Variants in MBP observed in about 807,000 individuals in gnomAD.
MBP encodes the protein Golli-MBP.
MBP carries 16 observed loss-of-function variants against 35.8 expected under a neutral mutation model. The ratio of observed to expected loss-of-function variants is 0.45; its 90% CI spans 0.30 to 0.68. The LOEUF (loss-of-function observed/expected upper bound fraction) is 0.68, where lower values mean the gene tolerates loss of function less well. MBP is among the 30% of genes least tolerant of loss of function. MBP has a pLI of 0.08. For missense variants in MBP, 380 were observed against 404.7 expected (o/e 0.94, Z 0.52); for synonymous variants, 143 against 159.6 (o/e 0.90, Z 0.78).
In MBP at chr18:77,098,168, C is replaced by CTTTTTTTTTTTTTTTTTTTTTT. The variant is rs3214873; in HGVS notation, c.51+7042_51+7043insAAAAAAAAAAAAAAAAAAAAAA. Reference sequence around the variant, plus strand: ...TTCTGAGGACAGACACAAGGACTTCCTTTTTTTTTTTTTTTTTTTTTACAA... The same window carrying CTTTTTTTTTTTTTTTTTTTTTT: ...TTCTGAGGACAGACACAAGGACTTCCTTTTTTTTTTTTTTTTTTTTTTTTTTTTTTTTTTTTTTTTTTTACAA... On this transcript the variant is annotated intron_variant, in intron 2 of 8. Transcript: ENST00000355994. Among the ~76,000 whole-genome samples, 11 of 108,526 alleles carry CTTTTTTTTTTTTTTTTTTTTTT rather than the reference C, an allele frequency of 1.0e-4. 1 individual carries two copies. The highest frequency in any genetic ancestry group is 6.4e-4 in the East Asian group (2 of 3,120). 71.2% of individuals were successfully genotyped at this position (108,526 alleles called of 152,430 possible). A position where few individuals can be genotyped will look rare whatever the true frequency, so the allele number is the denominator to read the frequency against.
intron 7 of MBP, chr18:76,985,811 C>T: frequency 1.0e-6 from 1 of 988,874 alleles, no homozygotes; most frequent in African/African-American, 1.7e-5. Flanking sequence ...GGAGATGCCA[C>T]TCCTCAGGTG....
intron 3 of MBP, among the ~76,000 whole-genome samples, chr18:77,051,919 C>T (rs13381497): frequency 0.05 from 7,663 of 152,158 alleles, 623 homozygotes; most frequent in African/African-American, 0.17. Flanking sequence ...TTTGTAGAAG[C>T]GAGGCCCAGC....
chr18:76,989,745 C>T lies in MBP; in HGVS notation c.681+211G>A, dbSNP rs1599477377. On this transcript the variant is annotated intron_variant, in intron 5 of 8. Coordinates refer to ENST00000355994, the MANE Select transcript of MBP (RefSeq NM_001025101.2). This position sits in a 1 kb window ranked among gnomAD's most constrained non-coding sequence, Gnocchi z 4.0. ...TGAGCTCTCTGGAGAACGCACGGAGCGCACGGTGCAATCCGTGGCAGATAC... is the reference window on the plus strand; with the variant it reads ...TGAGCTCTCTGGAGAACGCACGGAGTGCACGGTGCAATCCGTGGCAGATAC... The T allele has an allele frequency of 3.6e-6, 2 of 548,024 alleles. No homozygotes were observed. The highest frequency in any genetic ancestry group is 4.0e-5 in the South Asian group (2 of 49,482). The allele number at this position is 548,024 out of a possible 1,614,324, so 33.9% of individuals were successfully genotyped here. A position where few individuals can be genotyped will look rare whatever the true frequency, so the allele number is the denominator to read the frequency against.
At chr18:77,037,389 C>T (rs1158464157) in intron 3 of MBP, among the ~76,000 whole-genome samples, 1 of 152,252 alleles carries the variant, frequency 6.6e-6, no homozygotes, top group African/African-American at 2.4e-5. Context: ...AGCAAGCGGC[C>T]AGACTTTATC....
intron 3 of MBP, among the ~76,000 whole-genome samples, chr18:77,039,261 A>G (rs1972890544): frequency 6.6e-6 from 1 of 152,200 alleles, no homozygotes; most frequent in Admixed American, 6.5e-5. Context: ...TCTGTGATCT[A>G]TAAAATAATT....
intron 2 of MBP, among the ~76,000 whole-genome samples, chr18:77,081,781 C>CACACATATAT (rs1974923718): frequency 2.6e-4 from 13 of 50,702 alleles, no homozygotes; most frequent in African/African-American, 6.8e-4. Context: ...CACACACACA[C>CACACATATAT]ACACACACAC....
In MBP at chr18:77,090,543, C is replaced by T. The variant is rs150107945; in HGVS notation, c.51+14668G>A. On this transcript the variant is annotated intron_variant, in intron 2 of 8. Coordinates refer to ENST00000355994, the MANE Select transcript of MBP (RefSeq NM_001025101.2). ...CACCACTGAGGTGGCTCTGTCCCTG[C>T]AGCTGTGACCTCCCGGTGCACCCGC... 9.8e-5 allele frequency among the ~76,000 whole-genome samples: 15 copies of T among 152,332 alleles called. No homozygotes were observed. In the East Asian group the frequency reaches 2.9e-3, roughly 29 times the overall value.
At chr18:77,082,983 T>C (rs1599210407) in intron 2 of MBP, among the ~76,000 whole-genome samples, 2 of 152,134 alleles carry the variant, frequency 1.3e-5, no homozygotes, top group East Asian at 3.9e-4. Flanking sequence ...GAGTATTTTT[T>C]TTTTTTCTTG....
intron 2 of MBP, among the ~76,000 whole-genome samples, chr18:77,104,051 G>GC (rs1433857004): frequency 2.0e-5 from 3 of 152,238 alleles, no homozygotes; most frequent in Admixed American, 2.0e-4. Context: ...TTACGAATGG[G>GC]CTGTAGAGGA....
rs117712589 is a variant in MBP, at chr18:77,030,629, T to A, written c.140-13361A>T. Among the ~76,000 whole-genome samples the A allele has an allele frequency of 7.2e-4, 110 of 152,338 alleles. No homozygotes were observed. In the East Asian group the frequency reaches 0.02, roughly 28 times the overall value. On this transcript the variant is annotated intron_variant, in intron 3 of 8. Coordinates refer to ENST00000355994, the MANE Select transcript of MBP (RefSeq NM_001025101.2). Reference sequence around the variant, plus strand: ...GTGTTATTTTCCATAATTGCTCAAATTAATCCTTAGCTGCTAACTAAAAAC... The same window carrying A: ...GTGTTATTTTCCATAATTGCTCAAAATAATCCTTAGCTGCTAACTAAAAAC...
intron 2 of MBP, among the ~76,000 whole-genome samples, chr18:77,084,959 GGAGAGAGA>G (rs56132737): frequency 0.93 from 140,831 of 150,916 alleles, 65,863 homozygotes; most frequent in Non-Finnish European, 0.97. Flanking sequence ...GGGGGAGGGG[GGAGAGAGA>G]GAGAGAGAGA....
intron 2 of MBP, among the ~76,000 whole-genome samples, chr18:77,070,529 T>C (rs976024989): frequency 6.6e-6 from 1 of 152,114 alleles, no homozygotes; most frequent in Non-Finnish European, 1.5e-5. Context: ...GAGAAAAAAG[T>C]GTATTTTTTT....
chr18:77,021,256 C>T (rs1019345671), intron 3 of MBP, among the ~76,000 whole-genome samples: 2 of 152,162 alleles, frequency 1.3e-5, no homozygotes, highest in African/African-American at 2.4e-5. Flanking sequence ...AGGTGACCCC[C>T]GCTCTGGTGC....
chr18:77,103,216 C>T (rs778195560), intron 2 of MBP, among the ~76,000 whole-genome samples: 128 of 152,266 alleles, frequency 8.4e-4, no homozygotes, highest in Middle Eastern at 3.4e-3. Context: ...TCAGAGAAGG[C>T]CCCATTTCTT....
intron 7 of MBP, chr18:76,987,713 T>G (rs1969637583): frequency 1.0e-6 from 1 of 995,588 alleles, no homozygotes; most frequent in African/African-American, 1.7e-5. Flanking sequence ...TTGGTGGTTA[T>G]TCCTCCATTT....
In MBP at chr18:77,131,079, GCACGCGCACA is replaced by G. The variant is rs1321847434; in HGVS notation, c.-26+1491_-26+1500del. Reference sequence around the variant, plus strand: ...AAACAAAACACACACACGCGCGCACGCACGCGCACACACACACACACACACACACACACAC... The same window carrying G: ...AAACAAAACACACACACGCGCGCACGCACACACACACACACACACACACAC... On this transcript the variant is annotated intron_variant, in intron 1 of 8. Transcript: ENST00000355994. The surrounding 1 kb of genome is among the most constrained non-coding windows in gnomAD (Gnocchi z 5.5). 9.2e-3 allele frequency among the ~76,000 whole-genome samples: 359 copies of G among 39,052 alleles called. 3 individuals are homozygous for G. The highest frequency in any genetic ancestry group is 0.05 in the Middle Eastern group (2 of 40). The allele number at this position is 39,052 out of a possible 152,430, so 25.6% of individuals were successfully genotyped here.
At position 77,032,583 on chromosome 18, in the gene MBP, T is replaced by G. The variant is rs1022155190; in HGVS notation, c.140-15315A>C. Among the ~76,000 whole-genome samples the G allele has an allele frequency of 3.9e-5, 6 of 152,248 alleles. No homozygotes were observed. The East Asian group carries it at 9.6e-4, about 24-fold the overall frequency. ...GCCATGCGCTGGCCAGTCACCCCTG[T>G]GAGGCTGCACACACTGAGCTCAGGT... On this transcript the variant is annotated intron_variant, in intron 3 of 8. Coordinates refer to ENST00000355994, the MANE Select transcript of MBP (RefSeq NM_001025101.2).
chr18:77,068,978 CG>C, intron 2 of MBP: 2 of 475,770 alleles, frequency 4.2e-6, no homozygotes, highest in Non-Finnish European at 8.4e-6. Flanking sequence ...GACCTCACCT[CG>C]GGGCCTCTGA....
chr18:77,116,434 C>T (rs117619944), intron 1 of MBP, among the ~76,000 whole-genome samples: 3,385 of 152,302 alleles, frequency 0.022, 57 homozygotes, highest in Middle Eastern at 0.044. Context: ...GGAGACACAG[C>T]ATGAAACAGA....
Sources: allele counts gnomAD v4.1 joint callset (sites outside exome capture counted in the v4.1 genomes callset), GRCh38; gene constraint gnomAD v4.1.1; non-coding constraint Gnocchi (gnomAD v3.1); transcripts MANE v1.5; gene names NCBI Gene and HGNC (gene_info 2026-07-23, HGNC 2026-07-21).